The following ZNF287 variants were observed in gnomAD, a reference collection of about 807,000 sequenced individuals.
ZNF287 encodes zinc finger protein with KRAB and SCAN domains 13.
Under a neutral mutation model 73.7 loss-of-function variants are expected in ZNF287, and 31 were observed. The observed-to-expected ratio is 0.42, with a 90% CI of 0.32 to 0.57. The LOEUF is 0.57. Among genes scored for constraint, ZNF287 ranks in the 20% least tolerant of loss-of-function variants. ZNF287 has a pLI of 0.13. For synonymous variants in ZNF287, 301 were observed against 307.2 expected (o/e 0.98, Z 0.21); for missense variants, 641 against 909.3 (o/e 0.70, Z 3.79).
chr17:16,554,922 A>G (rs997789832), intron 5 of ZNF287, among the ~76,000 whole-genome samples: 7 of 152,126 alleles, frequency 4.6e-5, no homozygotes, highest in African/African-American at 1.7e-4. Flanking sequence ...CCTGTCTCCA[A>G]AAAAATAAAA....
In ZNF287 at chr17:16,563,983, C is replaced by T. The variant is rs1907599182; in HGVS notation, c.502-158G>A. On this transcript the variant is annotated intron_variant, in intron 3 of 5. Coordinates refer to ENST00000395825, the MANE Select transcript of ZNF287 (RefSeq NM_020653.4). ...TCAAAACCCTCCCCTGACATATGGA[C>T]AGCCCTACAGCATCTCTCCATGACC... 2.0e-5 allele frequency among the ~76,000 whole-genome samples: 3 copies of T among 152,198 alleles called. No individual in the cohort carries two copies. In the South Asian group the frequency reaches 6.2e-4, roughly 32 times the overall value.
rs757793523 is a variant in ZNF287 at position 16,566,564 on chromosome 17, A to T, written c.462T>A (p.His154Gln). 1 of 1,613,482 alleles carries T rather than the reference A, an allele frequency of 6.2e-7. No individual in the cohort carries two copies. The highest frequency in any genetic ancestry group is 8.5e-7 in the Non-Finnish European group (1 of 1,179,768). ...CATTTAGCCATCCTGTCTGGAAAGC[A>T]TGTTTTCCTCTGGGGTCTTCCTCTG... ...DTPEEDPRGK[H>Q]AFQTGWLNDL... Residue 154 changes from histidine to glutamine, a missense_variant, in exon 3 of 6, where the codon CAT becomes CAA. His to Gln is a conservative substitution (Grantham distance 24). Transcript: ENST00000395825.
chr17:16,565,916 G>A lies in ZNF287; in HGVS notation c.501+609C>T, dbSNP rs1050643492. On this transcript the variant is annotated intron_variant, in intron 3 of 5. Transcript: ENST00000395825. Reference sequence around the variant, plus strand: ...GCATGAGAATCACTTGAACCCAGGAGGTGGAGGCTGCCGTGGACCAAGATC... The same window carrying A: ...GCATGAGAATCACTTGAACCCAGGAAGTGGAGGCTGCCGTGGACCAAGATC... Among the ~76,000 whole-genome samples the A allele has an allele frequency of 7.9e-5, 12 of 152,150 alleles. No homozygotes were observed. The South Asian group carries it at 8.3e-4, about 11-fold the overall frequency.
chr17:16,553,919 C>T (rs1906869067), intron 5 of ZNF287, among the ~76,000 whole-genome samples: 1 of 152,166 alleles, frequency 6.6e-6, no homozygotes, highest in African/African-American at 2.4e-5. Context: ...GCAGTCCTCC[C>T]AATAGCAGCA....
rs2142445266 is a variant in ZNF287, at chr17:16,549,137, C to G, written c.*2719G>C. 6.6e-6 allele frequency among the ~76,000 whole-genome samples: 1 copy of G among 152,188 alleles called. No individual in the cohort carries two copies. The highest frequency in any genetic ancestry group is 3.4e-3 in the Middle Eastern group (1 of 294). On this transcript the variant is annotated 3_prime_UTR_variant, in exon 6 of 6. Transcript: ENST00000395825. ...ATAGTTAATTTTATGATTTTTAAAACTTTCTATATATTTGAAAACTCATAA... is the reference window on the plus strand; with the variant it reads ...ATAGTTAATTTTATGATTTTTAAAAGTTTCTATATATTTGAAAACTCATAA...
Position 16,553,319 on chromosome 17 carries a change from T to G in ZNF287, c.823A>C (p.Arg275=), listed in dbSNP as rs771828446. Residue 275 remains arginine, a synonymous_variant, in exon 6 of 6, where the codon AGA becomes CGA. Transcript: ENST00000395825. ...CCACCTTTTCCTCGCCTCTCTAGTC[T>G]ATCATCGTAGTCATATGAGTCTTCT... ...KLEDSYDYDD[R]LERRGKGGFW... 6.2e-7 allele frequency: 1 copy of G among 1,613,962 alleles called. No individual in the cohort carries two copies. The highest frequency in any genetic ancestry group is 1.7e-5 in the Admixed American group (1 of 60,028).
rs774692319 is a variant in ZNF287, at chr17:16,552,612, G to A, written c.1530C>T (p.Cys510=). The A allele has an allele frequency of 1.2e-6, 2 of 1,613,898 alleles. No individual in the cohort carries two copies. The highest frequency in any genetic ancestry group is 2.7e-5 in the African/African-American group (2 of 74,888). Residue 510 remains cysteine, a synonymous_variant, in exon 6 of 6, where the codon TGC becomes TGT. Coordinates refer to ENST00000395825, the MANE Select transcript of ZNF287 (RefSeq NM_020653.4). This position sits in a 1 kb window ranked among gnomAD's most constrained non-coding sequence, Gnocchi z 6.5. ...GACTGAAAGTCTTCCCACATTCATT[G>A]CATATATAAGGTTTTTCTCCAGTAT... ...RVHTGEKPYI[C]NECGKTFSQS...
chr17:16,568,047 T>C, intron 1 of ZNF287, 118 bp from the exon 2 acceptor site: 2 of 972,628 alleles, frequency 2.1e-6, no homozygotes, highest in Non-Finnish European at 2.5e-6. Context: ...CTTTACCTTG[T>C]CTTCCTCCCC....
chr17:16,568,024 G>A (rs1410039514), intron 1 of ZNF287, 95 bp from the exon 2 acceptor site: 2 of 1,118,064 alleles, frequency 1.8e-6, no homozygotes, highest in African/African-American at 3.2e-5. Context: ...GTGCATAGAT[G>A]AACACACATA....
Position 16,552,079 on chromosome 17 carries a change from GAATA to G in ZNF287, c.2059_2062del (p.Tyr687ProfsTer77). On this transcript the variant is annotated frameshift_variant, in exon 6 of 6. Coordinates refer to ENST00000395825, the MANE Select transcript of ZNF287 (RefSeq NM_020653.4). LOFTEE classifies it high-confidence loss of function. This position sits in a 1 kb window ranked among gnomAD's most constrained non-coding sequence, Gnocchi z 6.5. ...TCTCTGATGTTGATTAAGTGATGAG[GAATA>G]AATGAAAGCTTTCCCACATTCATTA... The G allele has an allele frequency of 6.2e-7, 1 of 1,614,012 alleles. No individual in the cohort carries two copies. Among genetic ancestry groups the G allele is most frequent in the Non-Finnish European group, 8.5e-7 (1 of 1,179,956 alleles).
In ZNF287 at chr17:16,551,936, T is replaced by C. The variant is rs376068031; in HGVS notation, c.2206A>G (p.Ile736Val). 6.8e-6 allele frequency: 11 copies of C among 1,613,962 alleles called. No individual in the cohort carries two copies. The highest frequency in any genetic ancestry group is 2.2e-5 in the East Asian group (1 of 44,886). ...HTGEKPYACR[I>V]CGKTFTQSTN... Reference sequence around the variant, plus strand: ...CTCTGGGTGAAGGTTTTACCACATATACGACATGCATAGGGTTTCTCTCCT... The same window carrying C: ...CTCTGGGTGAAGGTTTTACCACATACACGACATGCATAGGGTTTCTCTCCT... The change falls in exon 6 of 6, where the codon ATA (isoleucine) becomes GTA (valine). Residue 736 changes from isoleucine (I) to valine (V), a missense_variant. By Grantham distance (29) the Ile-to-Val change is conservative. This residue lies in a region of ZNF287 where 284 missense variants were observed against 466.8 expected (regional missense o/e 0.61). Coordinates refer to ENST00000395825, the MANE Select transcript of ZNF287 (RefSeq NM_020653.4).
chr17:16,568,924 C>G (rs1210011283), intron 1 of ZNF287, 28 bp downstream of exon 1: 1 of 152,336 alleles, frequency 6.6e-6, no homozygotes, highest in Non-Finnish European at 1.5e-5. Context: ...CGCGCGGACA[C>G]TCGCGCGCTG....
At chr17:16,558,847 C>G (rs773207223) in intron 5 of ZNF287, 1 of 152,088 alleles carries the variant, frequency 6.6e-6, no homozygotes, top group Admixed American at 6.6e-5. Context: ...CGTGGTGGCA[C>G]ACACCTGTAG....
rs1906689734 is a variant in ZNF287 at position 16,551,904 on chromosome 17, G to A, written c.2238C>T (p.Asn746=). 1.2e-6 allele frequency: 2 copies of A among 1,613,542 alleles called. No homozygotes were observed. The highest frequency in any genetic ancestry group is 2.7e-5 in the African/African-American group (2 of 75,016). ...TATGAACACGTTGATGCTGAATAAG[G>A]TTTGTACTCTGGGTGAAGGTTTTAC... is the stretch of plus-strand genomic sequence containing the variant. ...ICGKTFTQST[N]LIQHQRVHTG... Residue 746 remains asparagine (N), a synonymous_variant, in exon 6 of 6, where the codon AAC becomes AAT. Coordinates refer to ENST00000395825, the MANE Select transcript of ZNF287 (RefSeq NM_020653.4).
At chr17:16,556,883 T>C (rs915441909) in intron 5 of ZNF287, among the ~76,000 whole-genome samples, 1 of 152,112 alleles carries the variant, frequency 6.6e-6, no homozygotes, top group Non-Finnish European at 1.5e-5. Context: ...GTTTCGCTTT[T>C]GTTGCCCAGG....
Position 16,557,660 on chromosome 17 carries a change from T to C in ZNF287, c.716-4234A>G, listed in dbSNP as rs947916516. ...GAAGTCAGTAATAGTTGAAGTTGAC[T>C]GCCTGAGACAGCTCCTCAATCATGT... On this transcript the variant is annotated intron_variant, in intron 5 of 5. Transcript: ENST00000395825. Among the ~76,000 whole-genome samples the C allele has an allele frequency of 3.3e-5, 5 of 152,228 alleles. No individual in the cohort carries two copies. The East Asian group carries it at 9.7e-4, about 29-fold the overall frequency.
chr17:16,563,708 C>A lies in ZNF287; in HGVS notation c.619G>T (p.Val207Phe). ...TVTLQNYWNM[V>F]SLGLTVYRPT... ...TGCAGATGATCCTTACCCAGAGAAA[C>A]CATGTTCCAATAGTTCTGTAACGTC... Residue 207 changes from valine to phenylalanine, a missense_variant, in exon 4 of 6, where the codon GTT becomes TTT. Physicochemically the swap from Val to Phe is conservative, Grantham distance 50 (BLOSUM62 -1). Coordinates refer to ENST00000395825, the MANE Select transcript of ZNF287 (RefSeq NM_020653.4). 6.2e-7 allele frequency: 1 copy of A among 1,612,984 alleles called. No homozygotes were observed. Among genetic ancestry groups the A allele is most frequent in the South Asian group, 1.1e-5 (1 of 90,770 alleles).
chr17:16,568,512 A>G (rs572667672), intron 1 of ZNF287, among the ~76,000 whole-genome samples: 1 of 152,292 alleles, frequency 6.6e-6, no homozygotes, highest in African/African-American at 2.4e-5. Context: ...AAGTGCTTCT[A>G]TAGGAGACAG....
At chr17:16,568,573 C>G (rs191314046) in intron 1 of ZNF287, 1 of 152,232 alleles carries the variant, frequency 6.6e-6, no homozygotes, top group Non-Finnish European at 1.5e-5. Context: ...ACCTTAGAAC[C>G]GGCCTGATCT....
Sources: allele counts gnomAD v4.1 joint callset (sites outside exome capture counted in the v4.1 genomes callset), GRCh38; gene constraint gnomAD v4.1.1; regional missense constraint gnomAD v4.1.1; non-coding constraint Gnocchi (gnomAD v3.1); transcripts MANE v1.5; gene names NCBI Gene and HGNC (gene_info 2026-07-23, HGNC 2026-07-21).